Variants in CANX observed in about 807,000 individuals in gnomAD.
CANX encodes calnexin.
CANX carries 14 observed loss-of-function variants against 75.7 expected under a neutral mutation model. That is an observed-to-expected ratio of 0.19 (90% CI 0.12 to 0.29). The LOEUF (loss-of-function observed/expected upper bound fraction) is 0.29. CANX is among the 10% of genes least tolerant of loss of function. The probability of loss-of-function intolerance (pLI) is 1.00; values close to 1 mark genes in which losing one functional copy is unlikely to be tolerated. For missense variants in CANX, 567 were observed against 713.2 expected (o/e 0.79, Z 2.34); for synonymous variants, 227 against 236.9 (o/e 0.96, Z 0.38).
At chr5:179,723,043 T>C (rs776329065) in intron 11 of CANX, 24 bp downstream of exon 11, 2 of 1,591,610 alleles carry the variant, frequency 1.3e-6, no homozygotes, top group East Asian at 2.2e-5. Context: ...GCTTGTGCAT[T>C]TGTGTCTGTT....
chr5:179,715,211 A>C (rs1366042624), intron 7 of CANX, among the ~76,000 whole-genome samples: 1 of 152,206 alleles, frequency 6.6e-6, no homozygotes, highest in Non-Finnish European at 1.5e-5. Context: ...CTGGGCTTTA[A>C]TATACATCAC....
At chr5:179,708,071 G>C (rs1364228955) in intron 4 of CANX, among the ~76,000 whole-genome samples, 168 bp from the exon 5 acceptor site, 1 of 152,022 alleles carries the variant, frequency 6.6e-6, no homozygotes, top group East Asian at 1.9e-4. Flanking sequence ...TCCTGACCTT[G>C]AGTGATCCGC....
At chr5:179,694,471 C>T (rs1776355157), upstream of CANX, 1 of 721,168 alleles carries the variant, frequency 1.4e-6, no homozygotes, top group South Asian at 1.5e-5. Context: ...AAAAGGCCAC[C>T]ATCTGGATTC....
At chr5:179,686,247 G>A (rs1201328893) in intron 1 of CANX, among the ~76,000 whole-genome samples, 3 of 127,934 alleles carry the variant, frequency 2.3e-5, no homozygotes, top group African/African-American at 5.4e-5. Context: ...ACAGGCACGC[G>A]CCACCACACC....
At chr5:179,700,119 C>T (rs1006424123) in intron 1 of CANX, 1 of 152,146 alleles carries the variant, frequency 6.6e-6, no homozygotes, top group African/African-American at 2.4e-5. Flanking sequence ...CTGGTTCAGT[C>T]CTGTTTCGCA....
In CANX at chr5:179,716,276, C is replaced by T. The variant is rs763262566; in HGVS notation, c.893C>T (p.Ala298Val). Residue 298 changes from alanine (A) to valine (V), a missense_variant, in exon 8 of 15, where the codon GCT becomes GTT. Ala to Val is a moderately conservative substitution (Grantham distance 64, BLOSUM62 0). Around this residue, in one of 3 missense-constraint regions of CANX, gnomAD observed 351 missense variants for 433.8 expected, o/e 0.81. Transcript: ENST00000247461. The stretch of plus-strand genomic sequence containing the variant: ...AGACCAAAAATCCCAGATCCAGAAG[C>T]TGTCAAGCCAGATGACTGGTGAGTC... ...DERPKIPDPE[A>V]VKPDDWDEDA... is the part of the protein sequence containing the mutation. 1.2e-6 allele frequency: 2 copies of T among 1,613,878 alleles called. No individual in the cohort carries two copies. Among genetic ancestry groups the T allele is most frequent in the South Asian group, 2.2e-5 (2 of 91,064 alleles).
At chr5:179,725,029 T>C (rs1261831938) in intron 13 of CANX, among the ~76,000 whole-genome samples, 4 of 151,846 alleles carry the variant, frequency 2.6e-5, no homozygotes, top group Admixed American at 2.6e-4. Flanking sequence ...CTCTCTCTCT[T>C]TTTTATTTTT....
intron 1 of CANX, among the ~76,000 whole-genome samples, chr5:179,686,046 A>T (rs1315515977): frequency 6.6e-6 from 1 of 151,870 alleles, no homozygotes; most frequent in African/African-American, 2.4e-5. Context: ...CAATGCTATT[A>T]AGCATCTTTC....
At chr5:179,694,249 T>C, upstream of CANX, 1 of 423,102 alleles carries the variant, frequency 2.4e-6, no homozygotes, top group Non-Finnish European at 4.3e-6. Context: ...GCTTATGTCT[T>C]CTTTGTGCAG....
intron 1 of CANX, among the ~76,000 whole-genome samples, chr5:179,682,498 G>T (rs1429096919): frequency 2.0e-5 from 3 of 152,036 alleles, no homozygotes; most frequent in Non-Finnish European, 4.4e-5. Context: ...ATCACCTGAG[G>T]TTGGGAGTTT....
chr5:179,723,798 TA>T lies in CANX; in HGVS notation c.1518+20del, dbSNP rs778250859. On this transcript the variant is annotated intron_variant, in intron 12 of 14. Transcript: ENST00000247461. ...TGGAAAGGTAGGAAGTTTTTTTTTT[TA>T]GAATCAATTTTAGAGACATCACTCT... 1.3e-5 allele frequency: 20 copies of T among 1,574,934 alleles called. No individual in the cohort carries two copies. Among genetic ancestry groups the T allele is most frequent in the Non-Finnish European group, 1.7e-5 (20 of 1,161,014 alleles).
intron 13 of CANX, among the ~76,000 whole-genome samples, chr5:179,725,114 A>G (rs1157378897): frequency 6.6e-6 from 1 of 152,096 alleles, no homozygotes. Context: ...CCTTGACCTT[A>G]TAGGTTCAAG....
intron 1 of CANX, among the ~76,000 whole-genome samples, chr5:179,699,996 A>T (rs1776625809): frequency 6.6e-6 from 1 of 152,174 alleles, no homozygotes; most frequent in Non-Finnish European, 1.5e-5. Flanking sequence ...TTAAATTAAG[A>T]TATGTATACA....
intron 13 of CANX, among the ~76,000 whole-genome samples, chr5:179,725,158 T>C (rs1179247096): frequency 2.6e-5 from 4 of 152,190 alleles, no homozygotes; most frequent in Non-Finnish European, 5.9e-5. Flanking sequence ...TCCAAGTAGC[T>C]GGGACCACAG....
intron 12 of CANX, 95 bp from the exon 13 acceptor site, chr5:179,724,562 C>T (rs1352175290): frequency 2.3e-5 from 23 of 1,001,186 alleles, no homozygotes; most frequent in Non-Finnish European, 2.9e-5. Flanking sequence ...TCCCTGTATA[C>T]AGCCTGGAAC....
intron 3 of CANX, among the ~76,000 whole-genome samples, chr5:179,706,851 C>T (rs1777173711): frequency 1.3e-5 from 2 of 152,176 alleles, no homozygotes; most frequent in Admixed American, 6.5e-5. Context: ...CTTTCCCTCC[C>T]CCACTCTACC....
intron 7 of CANX, among the ~76,000 whole-genome samples, chr5:179,714,934 T>A (rs1167974023): frequency 6.6e-6 from 1 of 152,084 alleles, no homozygotes; most frequent in Non-Finnish European, 1.5e-5. Context: ...CCACCTAGTT[T>A]TTGTATTTTT....
chr5:179,710,707 C>CAAAAAAAAAAAAAAAAAAAAAAAAAAAA (rs71591440), intron 7 of CANX, among the ~76,000 whole-genome samples: 7 of 27,366 alleles, frequency 2.6e-4, no homozygotes, highest in African/African-American at 3.4e-4. Flanking sequence ...GACTCCATCT[C>CAAAAAAAAAAAAAAAAAAAAAAAAAAAA]AAAAAAAAAA....
rs558025689 is a variant in CANX, at chr5:179,731,204, A to G, written c.*2560A>G. Among the ~76,000 whole-genome samples, 26 of 152,342 alleles carry G rather than the reference A, an allele frequency of 1.7e-4. No individual in the cohort carries two copies. Among genetic ancestry groups the G allele is most frequent in the Admixed American group, 7.8e-4 (12 of 15,292 alleles). Reference sequence around the variant, plus strand: ...CTCAGAAAAGGAGGGAATGCTACTGATAATTTGTAGATAATATTCTTTAAG... The same window carrying G: ...CTCAGAAAAGGAGGGAATGCTACTGGTAATTTGTAGATAATATTCTTTAAG... On this transcript the variant is annotated 3_prime_UTR_variant, in exon 15 of 15. Transcript: ENST00000247461.
Sources: allele counts gnomAD v4.1 joint callset (sites outside exome capture counted in the v4.1 genomes callset), GRCh38; gene constraint gnomAD v4.1.1; regional missense constraint gnomAD v4.1.1; transcripts MANE v1.5; gene names NCBI Gene and HGNC (gene_info 2026-07-23, HGNC 2026-07-21).